Variants in IL17B observed in about 807,000 individuals in gnomAD.
The protein encoded by IL17B is interleukin-17B.
IL17B carries 14 observed loss-of-function variants against 14.7 expected under a neutral mutation model. The ratio of observed to expected loss-of-function variants is 0.95; its 90% confidence interval spans 0.63 to 1.49. IL17B has a LOEUF of 1.49. Ranked by LOEUF, IL17B falls within the 40% of genes most tolerant of loss-of-function variation. The pLI is 0.00. For synonymous variants in IL17B, 105 were observed against 94.8 expected (o/e 1.11, Z -0.62); for missense variants, 233 against 252.8 (o/e 0.92, Z 0.53).
At chr5:149,391,934 T>C (rs1758977380) in intron 1 of IL17B, among the ~76,000 whole-genome samples, 1 of 152,164 alleles carries the variant, frequency 6.6e-6, no homozygotes, top group African/African-American at 2.4e-5. Context: ...TCAAAGGATG[T>C]CCTCCTTTCT....
chr5:149,394,529 A>T (rs1316908790), intron 1 of IL17B, among the ~76,000 whole-genome samples: 1 of 152,262 alleles, frequency 6.6e-6, no homozygotes, highest in Non-Finnish European at 1.5e-5. Flanking sequence ...CTGTGGAGTC[A>T]GATTTGCAAA....
At chr5:149,390,873 A>C (rs56306992) in intron 1 of IL17B, among the ~76,000 whole-genome samples, 2 of 151,976 alleles carry the variant, frequency 1.3e-5, no homozygotes, top group African/African-American at 4.8e-5. Flanking sequence ...TTAAATTAAA[A>C]TTTTTTTAAT....
rs949146141 is a variant in IL17B, at chr5:149,379,150, G to A, written c.21+55C>T. On this transcript the variant is annotated intron_variant, in intron 1 of 2. Coordinates refer to ENST00000261796, the MANE Select transcript of IL17B (RefSeq NM_014443.3). ...CATTAATAAATAGGAAAGAAAAACT[G>A]ACATATTTGGGCTCTTAAAAAGGGG... 6.2e-6 allele frequency: 10 copies of A among 1,608,248 alleles called. No individual in the cohort carries two copies. The African/African-American group carries it at 1.3e-4, about 22-fold the overall frequency.
At chr5:149,396,962 A>G (rs1446181150) in intron 1 of IL17B, among the ~76,000 whole-genome samples, 2 of 152,100 alleles carry the variant, frequency 1.3e-5, no homozygotes, top group African/African-American at 2.4e-5. Flanking sequence ...GTTGTACACA[A>G]TTGAATAATT....
In IL17B at chr5:149,374,391, A is replaced by C. The variant is rs776072998; in HGVS notation, c.521T>G (p.Val174Gly). 6.3e-7 allele frequency: 1 copy of C among 1,586,854 alleles called. No homozygotes were observed. Among genetic ancestry groups the C allele is most frequent in the East Asian group, 2.2e-5 (1 of 44,456 alleles). ...GATTCAGAAGATGCAGGTGCAGCCCACAGCGATGGTCTCCATGACTGCGCG... is the reference window on the plus strand; with the variant it reads ...GATTCAGAAGATGCAGGTGCAGCCCCCAGCGATGGTCTCCATGACTGCGCG... Reference protein sequence around the residue: ...RQRAVMETIAVGCTCIF With the variant: ...RQRAVMETIAGGCTCIF The change falls in exon 3 of 3, where the codon GTG becomes GGG. Residue 174 changes from valine (V) to glycine (G), a missense_variant. Coordinates refer to ENST00000261796, the MANE Select transcript of IL17B (RefSeq NM_014443.3). The surrounding 1 kb of genome is among the most constrained non-coding windows in gnomAD (Gnocchi z 5.0).
At chr5:149,376,401 G>A (rs978041286) in intron 2 of IL17B, among the ~76,000 whole-genome samples, 1 of 152,238 alleles carries the variant, frequency 6.6e-6, no homozygotes, top group Non-Finnish European at 1.5e-5. Context: ...TGAGAAGGGC[G>A]TCCGAGGCCC....
intron 1 of IL17B, among the ~76,000 whole-genome samples, chr5:149,390,589 A>G (rs1005889364): frequency 3.0e-4 from 12 of 39,846 alleles, no homozygotes; most frequent in East Asian, 1.1e-3. Context: ...CTGAGTTAGC[A>G]CACACACACA....
At chr5:149,396,717 C>T (rs990126871) in intron 1 of IL17B, among the ~76,000 whole-genome samples, 2 of 152,050 alleles carry the variant, frequency 1.3e-5, no homozygotes, top group Non-Finnish European at 2.9e-5. Context: ...GTGCCATGAT[C>T]GCACCATTGC....
At chr5:149,390,587 GCACACACACA>G (rs56268721) in intron 1 of IL17B, among the ~76,000 whole-genome samples, 91 of 114,944 alleles carry the variant, frequency 7.9e-4, no homozygotes, top group East Asian at 6.9e-3. Flanking sequence ...CCCTGAGTTA[GCACACACACA>G]CACACACACA....
intron 1 of IL17B, among the ~76,000 whole-genome samples, chr5:149,397,382 TG>T (rs1230649667): frequency 2.0e-5 from 3 of 152,224 alleles, no homozygotes; most frequent in African/African-American, 7.2e-5. Flanking sequence ...TTGGCCAGGC[TG>T]GTTTCAAACT....
upstream of IL17B, among the ~76,000 whole-genome samples, chr5:149,381,730 G>A (rs116412999): frequency 4.9e-3 from 749 of 152,326 alleles, 5 homozygotes; most frequent in African/African-American, 0.017. Flanking sequence ...CCAGGAGGGA[G>A]ACCCCTTCTT....
chr5:149,375,792 T>TAA (rs1348026039), intron 2 of IL17B, among the ~76,000 whole-genome samples: 3 of 152,098 alleles, frequency 2.0e-5, no homozygotes, highest in African/African-American at 7.2e-5. Context: ...GGTGGAAAGA[T>TAA]TGCTTGAGCC....
At chr5:149,378,776 A>G (rs1367298386) in intron 1 of IL17B, among the ~76,000 whole-genome samples, 1 of 152,214 alleles carries the variant, frequency 6.6e-6, no homozygotes, top group East Asian at 1.9e-4. Flanking sequence ...AGAGTTTCTC[A>G]CAGGGCATTC....
At chr5:149,398,949 C>T (rs1759153635) in intron 1 of IL17B, among the ~76,000 whole-genome samples, 1 of 152,180 alleles carries the variant, frequency 6.6e-6, no homozygotes, top group Non-Finnish European at 1.5e-5. Flanking sequence ...GGGGAGGCCT[C>T]ACAATCATGG....
At position 149,374,492 on chromosome 5, in the gene IL17B, G is replaced by A. The variant is rs369715279; in HGVS notation, c.420C>T (p.Ser140=). 1.1e-4 allele frequency: 184 copies of A among 1,612,932 alleles called. No homozygotes were observed. The highest frequency in any genetic ancestry group is 1.5e-4 in the Non-Finnish European group (176 of 1,179,972). The change falls in exon 3 of 3, where the codon AGC becomes AGT. Residue 140 remains serine (S), a synonymous_variant. Coordinates refer to ENST00000261796, the MANE Select transcript of IL17B (RefSeq NM_014443.3). The surrounding 1 kb of genome is among the most constrained non-coding windows in gnomAD (Gnocchi z 5.0). ...FTMQEDRSMV[S]VPVFSQVPVR... is the part of the protein sequence containing the mutation. ...CAGGAACCTGGCTGAACACCGGCAC[G>A]CTCACCATGCTGCGGTCCTCCTGCA...
intron 1 of IL17B, 73 bp downstream of exon 1, chr5:149,379,128 TAATA>T (rs1200029272): frequency 3.8e-6 from 6 of 1,560,076 alleles, no homozygotes; most frequent in South Asian, 1.1e-5. Context: ...AGGCAGCCAT[TAATA>T]AATAGGAAAG....
rs896724282 is a variant in IL17B at position 149,374,560 on chromosome 5, C to A, written c.352G>T (p.Glu118Ter). The A allele has an allele frequency of 6.2e-7, 1 of 1,612,818 alleles. No homozygotes were observed. Among genetic ancestry groups the A allele is most frequent in the African/African-American group, 1.3e-5 (1 of 74,944 alleles). The change falls in exon 3 of 3, where the codon GAG becomes TAG. Residue 118 changes from glutamate (E) to a stop codon, truncating the protein, a stop_gained. Coordinates refer to ENST00000261796, the MANE Select transcript of IL17B (RefSeq NM_014443.3). LOFTEE classifies it high-confidence loss of function. The surrounding 1 kb of genome is among the most constrained non-coding windows in gnomAD (Gnocchi z 5.0). ...CAGCCCAGACACAGGCACCGTGCCT[C>A]CGGCAGGTCCACGGGGATACGGCTG... ...DPSRIPVDLP[E>*]ARCLCLGCVN...
intron 1 of IL17B, among the ~76,000 whole-genome samples, chr5:149,395,445 A>G (rs1330922224): frequency 6.6e-6 from 1 of 152,164 alleles, no homozygotes; most frequent in Non-Finnish European, 1.5e-5. Flanking sequence ...ACACCCACTC[A>G]TATACAGACC....
chr5:149,378,008 G>C (rs1201416341), intron 1 of IL17B, among the ~76,000 whole-genome samples: 1 of 152,098 alleles, frequency 6.6e-6, no homozygotes, highest in Non-Finnish European at 1.5e-5. Flanking sequence ...GCCGGGTGTG[G>C]TGGCGGGTGC....
Sources: gnomAD v4.1 joint callset for allele counts (sites outside exome capture counted in the v4.1 genomes callset) on GRCh38, gnomAD v4.1.1 for gene constraint, Gnocchi (gnomAD v3.1) non-coding constraint, MANE v1.5 for transcripts, NCBI Gene and HGNC (gene_info 2026-07-23, HGNC 2026-07-21) for gene names.